TRRAP: variants seen among roughly 807,000 people sequenced by gnomAD.
The protein encoded by TRRAP is transformation/transcription domain-associated protein.
In TRRAP, 41 loss-of-function variants were observed where a neutral mutation model predicts 438.8. That is an observed-to-expected ratio of 0.09 (90% CI 0.07 to 0.12). The LOEUF (loss-of-function observed/expected upper bound fraction) is 0.12, where lower values mean the gene tolerates loss of function less well. Ranked by LOEUF, TRRAP falls within the 10% of genes least tolerant of loss-of-function variation. The pLI is 1.00. For synonymous variants in TRRAP, 1,994 were observed against 1,962.9 expected, an observed-to-expected ratio of 1.02 and a Z score of -0.42; for missense variants, 3,122 against 5,055.1, an observed-to-expected ratio of 0.62 and a Z score of 11.60.
At chr7:98,911,576 G>A (rs1789276811) in intron 17 of TRRAP, among the ~76,000 whole-genome samples, 1 of 151,974 alleles carries the variant, frequency 6.6e-6, no homozygotes, top group African/African-American at 2.4e-5. Flanking sequence ...GATCAGCCTG[G>A]GCAACAATGG....
chr7:98,965,283 G>A (rs1472286204), intron 48 of TRRAP, among the ~76,000 whole-genome samples: 7 of 152,244 alleles, frequency 4.6e-5, no homozygotes, highest in Admixed American at 3.3e-4. Context: ...CTTAATCAGA[G>A]TTGCTGGTTC....
chr7:98,937,533 T>C, intron 29 of TRRAP, 117 bp from the exon 30 acceptor site: 2 of 1,185,174 alleles, frequency 1.7e-6, no homozygotes, highest in Non-Finnish European at 2.3e-6. Flanking sequence ...ATATGATTAA[T>C]ATTCCATCTT....
intron 53 of TRRAP, among the ~76,000 whole-genome samples, chr7:98,972,929 T>G (rs1792482749): frequency 6.6e-6 from 1 of 152,226 alleles, no homozygotes; most frequent in Non-Finnish European, 1.5e-5. Context: ...CAGAGCAGCC[T>G]GATACATGTG....
intron 40 of TRRAP, among the ~76,000 whole-genome samples, chr7:98,954,824 T>G (rs1488095009): frequency 6.6e-6 from 1 of 152,206 alleles, no homozygotes; most frequent in Non-Finnish European, 1.5e-5. Flanking sequence ...AGGCGGGACA[T>G]GGGATCCCTG....
chr7:99,009,377 G>C (rs574537397), intron 70 of TRRAP, among the ~76,000 whole-genome samples: 2 of 152,282 alleles, frequency 1.3e-5, no homozygotes, highest in East Asian at 3.9e-4. Context: ...GGAGGACTTA[G>C]TTTGGTTGAG....
At chr7:98,997,441 G>A (rs1793717179) in intron 67 of TRRAP, among the ~76,000 whole-genome samples, 1 of 119,292 alleles carries the variant, frequency 8.4e-6, no homozygotes, top group Non-Finnish European at 1.6e-5. Flanking sequence ...AGAAAAAGGA[G>A]TAGGTATCAG....
At chr7:98,999,039 G>T in intron 67 of TRRAP, 1 of 831,518 alleles carries the variant, frequency 1.2e-6, no homozygotes, top group Non-Finnish European at 1.9e-6. Context: ...GCTCCAAGGT[G>T]GATGGGAGGA....
rs781979356 is a variant in TRRAP at position 98,948,570 on chromosome 7, G to A, written c.4673G>A (p.Gly1558Glu). ...GCATTCCCACATGTTTTGCAGGCGG[G>A]GAGTCCATTCCGAGAGCCCCTGATC... ...KTERAMLIEA[G>E]SPFREPLIKF... The change falls in exon 35 of 73, where the codon GGG becomes GAG. Residue 1558 changes from glycine to glutamate, a missense_variant. By Grantham distance (98) the Gly-to-Glu change is moderately conservative. Around this residue, in one of 24 missense-constraint regions of TRRAP, gnomAD observed 108 missense variants for 256.9 expected, o/e 0.42. Coordinates refer to ENST00000456197, the MANE Select transcript of TRRAP (RefSeq NM_001375524.1). The surrounding 1 kb of genome is among the most constrained non-coding windows in gnomAD (Gnocchi z 4.9). 1 of 1,614,170 alleles carries A rather than the reference G, an allele frequency of 6.2e-7. No individual in the cohort carries two copies. Among genetic ancestry groups the A allele is most frequent in the South Asian group, 1.1e-5 (1 of 91,074 alleles).
chr7:98,998,025 G>A (rs1394320459), intron 67 of TRRAP, among the ~76,000 whole-genome samples: 1 of 152,190 alleles, frequency 6.6e-6, no homozygotes, highest in Non-Finnish European at 1.5e-5. Context: ...CCTCCAAAGA[G>A]GACTGACTTG....
rs775424504 is a variant in TRRAP, at chr7:98,961,478, T to C, written c.6703+4T>C. The C allele has an allele frequency of 1.2e-6, 2 of 1,613,006 alleles. No homozygotes were observed. Among genetic ancestry groups the C allele is most frequent in the South Asian group, 1.1e-5 (1 of 91,076 alleles). On this transcript the variant is annotated splice_donor_region_variant and intron_variant, in intron 46 of 72. Coordinates refer to ENST00000456197, the MANE Select transcript of TRRAP (RefSeq NM_001375524.1). ...AGCATTTTCCCAACAGAGCCGAGTA[T>C]GTGACCTTTCCCACCGGTGCTTTTC...
At chr7:98,949,875 T>C (rs1253519854) in intron 37 of TRRAP, 34 bp downstream of exon 37, 1 of 1,598,440 alleles carries the variant, frequency 6.3e-7, no homozygotes, top group East Asian at 2.2e-5. Flanking sequence ...CCCGCGGGAC[T>C]GGCTCTGTCC....
chr7:98,942,030 G>T (rs1381620719), intron 30 of TRRAP, among the ~76,000 whole-genome samples: 1 of 152,210 alleles, frequency 6.6e-6, no homozygotes, highest in Non-Finnish European at 1.5e-5. Flanking sequence ...ACAACGCAGG[G>T]TAATAAATAT....
chr7:98,924,499 AAC>A (rs1463100023), intron 21 of TRRAP, among the ~76,000 whole-genome samples: 1 of 152,164 alleles, frequency 6.6e-6, no homozygotes, highest in Non-Finnish European at 1.5e-5. Context: ...CATCCTGGCT[AAC>A]ACAGTGAAAC....
At position 98,935,570 on chromosome 7, in the gene TRRAP, C is replaced by G; in HGVS notation, c.4015-9C>G. ...AGTGGGCTAAATGAAATTGTTTTAT[C>G]TTTTGCAGCTGTTGAATTTGTGTGA... On this transcript the variant is annotated splice_polypyrimidine_tract_variant and intron_variant, in intron 27 of 72. Coordinates refer to ENST00000456197, the MANE Select transcript of TRRAP (RefSeq NM_001375524.1). 2 of 1,595,272 alleles carry G rather than the reference C, an allele frequency of 1.3e-6. No individual in the cohort carries two copies. Among genetic ancestry groups the G allele is most frequent in the Non-Finnish European group, 1.7e-6 (2 of 1,164,810 alleles).
At chr7:98,954,467 C>T (rs1256284665) in intron 40 of TRRAP, among the ~76,000 whole-genome samples, 1 of 152,244 alleles carries the variant, frequency 6.6e-6, no homozygotes, top group Non-Finnish European at 1.5e-5. Context: ...AGAGGTCTCT[C>T]ACATCCCCTC....
At chr7:98,923,098 A>T (rs2116473904) in intron 21 of TRRAP, among the ~76,000 whole-genome samples, 1 of 152,270 alleles carries the variant, frequency 6.6e-6, no homozygotes, top group East Asian at 1.9e-4. Flanking sequence ...GGGTGGGTGC[A>T]GTCTCAGCTT....
chr7:98,981,898 G>A lies in TRRAP; in HGVS notation c.8764G>A (p.Ala2922Thr). The change falls in exon 59 of 73, where the codon GCC becomes ACC. Residue 2922 changes from alanine to threonine, a missense_variant. Physicochemically the swap from Ala to Thr is moderately conservative, Grantham distance 58. Coordinates refer to ENST00000456197, the MANE Select transcript of TRRAP (RefSeq NM_001375524.1). ...CCTGGTGGAGATGGCCAGCAGCCTG[G>A]CCATCCGCGAGTGGCGGCGGCTGCC... ...ERLVEMASSL[A>T]IREWRRLPHV... 1 of 1,609,774 alleles carries A rather than the reference G, an allele frequency of 6.2e-7. No individual in the cohort carries two copies. Among genetic ancestry groups the A allele is most frequent in the South Asian group, 1.1e-5 (1 of 90,400 alleles).
chr7:98,919,145 A>G (rs1323203618), intron 20 of TRRAP, among the ~76,000 whole-genome samples: 1 of 152,176 alleles, frequency 6.6e-6, no homozygotes, highest in Non-Finnish European at 1.5e-5. Flanking sequence ...TTGGCCCCAG[A>G]TAGGAGTCAG....
intron 31 of TRRAP, 31 bp downstream of exon 31, chr7:98,943,048 A>G (rs782275322): frequency 1.2e-5 from 20 of 1,611,872 alleles, no homozygotes; most frequent in Non-Finnish European, 1.3e-5. Context: ...TGGGAAGGGC[A>G]CCAGCCGCCA....
Sources: gnomAD v4.1 joint callset for allele counts (sites outside exome capture counted in the v4.1 genomes callset) on GRCh38, gnomAD v4.1.1 for gene constraint, gnomAD v4.1.1 regional missense constraint, Gnocchi (gnomAD v3.1) non-coding constraint, MANE v1.5 for transcripts, NCBI Gene and HGNC (gene_info 2026-07-23, HGNC 2026-07-21) for gene names.